The following MGLL variants were observed in gnomAD, a reference collection of about 807,000 sequenced individuals.
The protein encoded by MGLL is monoglyceride lipase, also known as lysophospholipase homolog.
MGLL carries 7 observed loss-of-function variants against 29.1 expected under a neutral mutation model. The ratio of observed to expected loss-of-function variants is 0.24; its 90% CI spans 0.14 to 0.45. The LOEUF is 0.45. Among genes scored for constraint, MGLL ranks in the 20% least tolerant of loss-of-function variants. The pLI is 0.99. For missense variants in MGLL, 356 were observed against 413.6 expected (o/e 0.86, Z 1.21); for synonymous variants, 148 against 168.3 (o/e 0.88, Z 0.93).
At chr3:127,794,514 C>T (rs1226709866) in intron 2 of MGLL, among the ~76,000 whole-genome samples, 2 of 152,136 alleles carry the variant, frequency 1.3e-5, no homozygotes, top group Non-Finnish European at 2.9e-5. Flanking sequence ...GTAAGGCTGT[C>T]TTCTATGATG....
chr3:127,801,030 G>A (rs550904390), intron 2 of MGLL, among the ~76,000 whole-genome samples: 252 of 152,328 alleles, frequency 1.7e-3, no homozygotes, highest in Non-Finnish European at 2.9e-3. Context: ...AGCCAGGTGC[G>A]GTGGCTCACG....
intron 3 of MGLL, among the ~76,000 whole-genome samples, chr3:127,779,870 C>G (rs1407279929): frequency 5.3e-5 from 8 of 152,202 alleles, no homozygotes. Context: ...ACAAGATCCC[C>G]AAAATGGCAG....
chr3:127,815,084 G>C (rs1187877945), intron 2 of MGLL, among the ~76,000 whole-genome samples: 1 of 152,106 alleles, frequency 6.6e-6, no homozygotes, highest in Non-Finnish European at 1.5e-5. Context: ...GTGGGGAGAG[G>C]GTGTAAGCTG....
intron 3 of MGLL, among the ~76,000 whole-genome samples, chr3:127,770,779 G>A (rs930616479): frequency 2.0e-5 from 3 of 152,240 alleles, no homozygotes; most frequent in African/African-American, 7.2e-5. Context: ...TCCAAGGTCA[G>A]AGGATCAGTG....
chr3:127,722,677 C>A, intron 3 of MGLL, 111 bp from the exon 4 acceptor site: 1 of 1,442,220 alleles, frequency 6.9e-7, no homozygotes, highest in Non-Finnish European at 9.6e-7. Context: ...CTGAATGTGT[C>A]ACCTCATTTA....
intron 2 of MGLL, among the ~76,000 whole-genome samples, chr3:127,819,222 C>T (rs944871399): frequency 1.3e-5 from 2 of 152,172 alleles, no homozygotes; most frequent in Non-Finnish European, 2.9e-5. Flanking sequence ...ACCTGCAGAG[C>T]CAGTCTTGGA....
chr3:127,742,120 G>A (rs2076351321), intron 3 of MGLL, among the ~76,000 whole-genome samples: 1 of 152,104 alleles, frequency 6.6e-6, no homozygotes, highest in Non-Finnish European at 1.5e-5. Context: ...CTAATACATA[G>A]AACTAAAAAT....
chr3:127,777,985 C>T (rs1195219241), intron 3 of MGLL, among the ~76,000 whole-genome samples: 1 of 152,164 alleles, frequency 6.6e-6, no homozygotes, highest in African/African-American at 2.4e-5. Context: ...ACATGGAGAA[C>T]AAAGTTAAAT....
chr3:127,800,005 G>A (rs2077448970), intron 2 of MGLL, among the ~76,000 whole-genome samples: 1 of 152,184 alleles, frequency 6.6e-6, no homozygotes, highest in South Asian at 2.1e-4. Context: ...AGGTGTGGCC[G>A]TATGACTAAG....
intron 2 of MGLL, among the ~76,000 whole-genome samples, chr3:127,789,153 G>T (rs2077261618): frequency 6.6e-6 from 1 of 152,190 alleles, no homozygotes; most frequent in Non-Finnish European, 1.5e-5. Context: ...GGGCAGGAGG[G>T]GGTGGAATGC....
chr3:127,715,433 A>G, intron 5 of MGLL: 1 of 338,416 alleles, frequency 3.0e-6, no homozygotes. Flanking sequence ...TTCATGGCTT[A>G]AAACAAATTA....
At chr3:127,749,134 G>A (rs551234945) in intron 3 of MGLL, among the ~76,000 whole-genome samples, 2 of 152,320 alleles carry the variant, frequency 1.3e-5, no homozygotes, top group South Asian at 4.1e-4. Context: ...CAAAGTCGGA[G>A]CCTCTCGACA....
At chr3:127,816,755 C>A (rs1452814479) in intron 2 of MGLL, among the ~76,000 whole-genome samples, 1 of 152,142 alleles carries the variant, frequency 6.6e-6, no homozygotes, top group African/African-American at 2.4e-5. Flanking sequence ...GGGCCTAGAA[C>A]GGGAGGGCTG....
At chr3:127,810,777 A>G (rs2077648657) in intron 2 of MGLL, among the ~76,000 whole-genome samples, 1 of 152,240 alleles carries the variant, frequency 6.6e-6, no homozygotes, top group Non-Finnish European at 1.5e-5. Context: ...TTTGCTGTCC[A>G]GCACAGTACT....
intron 4 of MGLL, among the ~76,000 whole-genome samples, chr3:127,721,776 A>G (rs11711251): frequency 0.41 from 62,340 of 151,874 alleles, 13,456 homozygotes; most frequent in East Asian, 0.53. Flanking sequence ...ACCATGGGGC[A>G]GGAGGCAAGG....
intron 3 of MGLL, among the ~76,000 whole-genome samples, chr3:127,742,850 A>G (rs993443112): frequency 1.3e-5 from 2 of 152,198 alleles, no homozygotes; most frequent in African/African-American, 2.4e-5. Context: ...ATTTCTTGCT[A>G]TGTCACCAGG....
chr3:127,788,240 T>C (rs1434898310), intron 2 of MGLL, among the ~76,000 whole-genome samples: 1 of 152,152 alleles, frequency 6.6e-6, no homozygotes, highest in Non-Finnish European at 1.5e-5. Context: ...GCTGACACCT[T>C]GGCCAGATAC....
chr3:127,759,051 T>C (rs2076714832), intron 3 of MGLL, among the ~76,000 whole-genome samples: 1 of 151,744 alleles, frequency 6.6e-6, no homozygotes. Flanking sequence ...GCGTCCTGAG[T>C]AGCTAGCTGG....
intron 3 of MGLL, among the ~76,000 whole-genome samples, chr3:127,730,339 C>G (rs1269777929): frequency 6.6e-6 from 1 of 152,124 alleles, no homozygotes; most frequent in Non-Finnish European, 1.5e-5. Flanking sequence ...CCTGCACATC[C>G]CAGCCCAGTA....
Sources: gnomAD v4.1 joint callset for allele counts (sites outside exome capture counted in the v4.1 genomes callset) on GRCh38, gnomAD v4.1.1 for gene constraint, MANE v1.5 for transcripts, NCBI Gene and HGNC (gene_info 2026-07-23, HGNC 2026-07-21) for gene names.